The following MYOCD variants were observed in gnomAD, a reference collection of about 807,000 sequenced individuals.
MYOCD encodes myocardin.
MYOCD carries 32 observed loss-of-function variants against 96.1 expected under a neutral mutation model. That is an observed-to-expected ratio of 0.33 (90% CI 0.25 to 0.45). The LOEUF is 0.45. Among genes scored for constraint, MYOCD ranks in the 20% least tolerant of loss-of-function variants. MYOCD has a pLI of 1.00. For synonymous variants in MYOCD, 469 were observed against 469.0 expected (o/e 1.00, Z 0.00); for missense variants, 1,133 against 1,200.6 (o/e 0.94, Z 0.83).
chr17:12,717,410 A>C lies in MYOCD; in HGVS notation c.242A>C (p.His81Pro). The change falls in exon 4 of 14, where the codon CAC (histidine) becomes CCC (proline). Residue 81 changes from histidine (H) to proline (P), a missense_variant. His to Pro is a moderately conservative substitution (Grantham distance 77, BLOSUM62 -2). Transcript: ENST00000425538. ...AACAGTGCCGACTTGGTTAATATGCACATACTCCAAGGTAAGGCTGCAAGA... is the reference window on the plus strand; with the variant it reads ...AACAGTGCCGACTTGGTTAATATGCCCATACTCCAAGGTAAGGCTGCAAGA... ...RCNSADLVNM[H>P]ILQASTAERS... The C allele has an allele frequency of 6.2e-7, 1 of 1,613,688 alleles. No homozygotes were observed.
chr17:12,705,465 C>A (rs1354356994), intron 2 of MYOCD: 1 of 321,116 alleles, frequency 3.1e-6, no homozygotes, highest in Admixed American at 4.9e-5. Context: ...TTATGGGCAC[C>A]CCTGACTCAT....
chr17:12,743,202 T>C (rs1159019939), intron 7 of MYOCD, among the ~76,000 whole-genome samples: 1 of 152,160 alleles, frequency 6.6e-6, no homozygotes, highest in African/African-American at 2.4e-5. Context: ...GGGTTCCAAC[T>C]CTGGGAAGTG....
intron 4 of MYOCD, among the ~76,000 whole-genome samples, chr17:12,717,784 A>G (rs1309396525): frequency 1.3e-5 from 2 of 152,114 alleles, no homozygotes; most frequent in Admixed American, 6.5e-5. Flanking sequence ...TTCCCTTGCT[A>G]CCTCTGTATT....
chr17:12,750,424 C>T (rs1478508192), intron 9 of MYOCD, among the ~76,000 whole-genome samples: 3 of 152,144 alleles, frequency 2.0e-5, no homozygotes, highest in Non-Finnish European at 4.4e-5. Flanking sequence ...CGCTATGGCT[C>T]ACGCCTGTAA....
At chr17:12,749,715 A>ATACATATATGTATATATATGTG (rs1555535142) in intron 9 of MYOCD, among the ~76,000 whole-genome samples, 52 of 148,360 alleles carry the variant, frequency 3.5e-4, no homozygotes, top group Middle Eastern at 3.6e-3. Context: ...ATGTGTATAT[A>ATACATATATGTATATATATGTG]TATGTGTGTG....
At chr17:12,735,887 G>C (rs2032324677) in intron 5 of MYOCD, among the ~76,000 whole-genome samples, 1 of 152,112 alleles carries the variant, frequency 6.6e-6, no homozygotes. Flanking sequence ...AAACATATGG[G>C]TTCCCAAAGA....
chr17:12,704,662 A>C (rs1597759127), intron 1 of MYOCD, among the ~76,000 whole-genome samples: 1 of 152,184 alleles, frequency 6.6e-6, no homozygotes, highest in East Asian at 1.9e-4. Context: ...CCAGGTAGGC[A>C]TTGTTTTTAT....
chr17:12,742,691 C>G (rs1386736693), intron 7 of MYOCD, among the ~76,000 whole-genome samples: 1 of 152,118 alleles, frequency 6.6e-6, no homozygotes, highest in East Asian at 1.9e-4. Flanking sequence ...CTGCCTCACC[C>G]TCCCGAGAAG....
chr17:12,685,826 C>T (rs2030089671), intron 1 of MYOCD, among the ~76,000 whole-genome samples: 1 of 152,116 alleles, frequency 6.6e-6, no homozygotes, highest in Non-Finnish European at 1.5e-5. Context: ...TTGTATAATT[C>T]CTGGTGTCTA....
chr17:12,729,181 A>G (rs548235417), intron 5 of MYOCD, among the ~76,000 whole-genome samples: 9 of 152,340 alleles, frequency 5.9e-5, no homozygotes, highest in African/African-American at 1.9e-4. Context: ...AACAAAATCT[A>G]TCATTCCATC....
intron 1 of MYOCD, among the ~76,000 whole-genome samples, chr17:12,688,663 C>T (rs1187949838): frequency 2.7e-5 from 4 of 148,556 alleles, no homozygotes; most frequent in African/African-American, 9.9e-5. Flanking sequence ...CTTCCATCCC[C>T]TTCATTCATT....
Position 12,752,416 on chromosome 17 carries a change from C to G in MYOCD, c.1128C>G (p.Val376=). 6.2e-7 allele frequency: 1 copy of G among 1,605,092 alleles called. No homozygotes were observed. The highest frequency in any genetic ancestry group is 2.2e-5 in the East Asian group (1 of 44,768). ...PLPPNLDDLK[V]SELRQQLRIR... is the part of the protein sequence containing the mutation. Reference sequence around the variant, plus strand: ...TAACCACATTCTGATTTCTTTAGGTCTCTGAATTAAGACAACAGCTTCGAA... The same window carrying G: ...TAACCACATTCTGATTTCTTTAGGTGTCTGAATTAAGACAACAGCTTCGAA... The change falls in exon 10 of 14, where the codon GTC becomes GTG. Residue 376 remains valine (V), a splice_region_variant and synonymous_variant. Coordinates refer to ENST00000425538, the MANE Select transcript of MYOCD (RefSeq NM_001146312.3).
intron 5 of MYOCD, among the ~76,000 whole-genome samples, chr17:12,728,718 A>G (rs1463147020): frequency 6.6e-6 from 1 of 152,188 alleles, no homozygotes; most frequent in African/African-American, 2.4e-5. Flanking sequence ...ACCTCAGGTG[A>G]TCCACCCGCC....
At chr17:12,756,384 C>T (rs1567601665) in intron 10 of MYOCD, 30 bp from the exon 11 acceptor site, 1 of 1,551,708 alleles carries the variant, frequency 6.4e-7, no homozygotes, top group African/African-American at 1.4e-5. Flanking sequence ...CTGCTGCTGG[C>T]CATGTAATTT....
intron 3 of MYOCD, among the ~76,000 whole-genome samples, chr17:12,716,333 T>C (rs1416296536): frequency 1.3e-5 from 2 of 149,932 alleles, no homozygotes; most frequent in Non-Finnish European, 3.0e-5. Context: ...CAGACTCTTA[T>C]CAGAACTGGA....
At position 12,752,844 on chromosome 17, in the gene MYOCD, A is replaced by G. The variant is rs764041095; in HGVS notation, c.1556A>G (p.Lys519Arg). The G allele has an allele frequency of 6.2e-7, 1 of 1,614,076 alleles. No individual in the cohort carries two copies. The highest frequency in any genetic ancestry group is 1.1e-5 in the South Asian group (1 of 91,072). ...ELDGLDSEKDKMLVEKQKVIN... is the reference protein window; with the variant it reads ...ELDGLDSEKDRMLVEKQKVIN... Reference sequence around the variant, plus strand: ...GATGGGCTGGACTCCGAGAAGGACAAGATGCTGGTGGAGAAGCAGAAGGTG... The same window carrying G: ...GATGGGCTGGACTCCGAGAAGGACAGGATGCTGGTGGAGAAGCAGAAGGTG... The change falls in exon 10 of 14, where the codon AAG (lysine) becomes AGG (arginine). Residue 519 changes from lysine (K) to arginine (R), a missense_variant. By Grantham distance (26) the Lys-to-Arg change is conservative. Coordinates refer to ENST00000425538, the MANE Select transcript of MYOCD (RefSeq NM_001146312.3).
At chr17:12,743,786 A>G (rs954089622) in intron 7 of MYOCD, among the ~76,000 whole-genome samples, 1 of 152,150 alleles carries the variant, frequency 6.6e-6, no homozygotes, top group Non-Finnish European at 1.5e-5. Context: ...GGTGTGAGCC[A>G]TCGCTCCCAG....
Position 12,735,706 on chromosome 17 carries a change from C to T in MYOCD, c.416-455C>T, listed in dbSNP as rs552465304. ...AGTTTGCTAAACATTGCGTGCTGTGCGCCCTGCTTTATGTTTGAAGATGAT... is the reference window on the plus strand; with the variant it reads ...AGTTTGCTAAACATTGCGTGCTGTGTGCCCTGCTTTATGTTTGAAGATGAT... On this transcript the variant is annotated intron_variant, in intron 5 of 13. Coordinates refer to ENST00000425538, the MANE Select transcript of MYOCD (RefSeq NM_001146312.3). Among the ~76,000 whole-genome samples, 39 of 152,250 alleles carry T rather than the reference C, an allele frequency of 2.6e-4. No individual in the cohort carries two copies. In the South Asian group the frequency reaches 5.8e-3, roughly 23 times the overall value.
At chr17:12,721,160 CAT>C (rs1384141494) in intron 4 of MYOCD, among the ~76,000 whole-genome samples, 2 of 148,214 alleles carry the variant, frequency 1.3e-5, no homozygotes, top group Non-Finnish European at 3.0e-5. Flanking sequence ...AATCAAAAAA[CAT>C]ATGAAATGTT....
Sources: allele counts gnomAD v4.1 joint callset (sites outside exome capture counted in the v4.1 genomes callset), GRCh38; gene constraint gnomAD v4.1.1; transcripts MANE v1.5; gene names NCBI Gene and HGNC (gene_info 2026-07-23, HGNC 2026-07-21).